INTS7: variants seen among roughly 807,000 people sequenced by gnomAD.
INTS7 encodes the protein chromosome 1 open reading frame 73.
In INTS7, 46 loss-of-function variants were observed where a neutral mutation model predicts 109.2. The ratio of observed to expected loss-of-function variants is 0.42; its 90% confidence interval spans 0.33 to 0.54. The LOEUF (loss-of-function observed/expected upper bound fraction) is 0.54. Among genes scored for constraint, INTS7 ranks in the 20% least tolerant of loss-of-function variants. INTS7 has a pLI of 0.07. For synonymous variants in INTS7, 412 were observed against 402.9 expected (o/e 1.02, Z -0.27); for missense variants, 929 against 1,132.4 (o/e 0.82, Z 2.58).
At chr1:212,003,233 A>T (rs1325561943) in intron 7 of INTS7, among the ~76,000 whole-genome samples, 1 of 151,902 alleles carries the variant, frequency 6.6e-6, no homozygotes, top group East Asian at 1.9e-4. Flanking sequence ...TAGACAGTTT[A>T]AAAAGAAATT....
intron 15 of INTS7, 88 bp from the exon 16 acceptor site, chr1:211,966,586 A>T: frequency 1.3e-6 from 1 of 785,286 alleles, no homozygotes; most frequent in Non-Finnish European, 2.2e-6. Context: ...GTCAAGATTT[A>T]ATGATTGCCT....
intron 2 of INTS7, chr1:212,020,803 T>C (rs1666656875): frequency 1.9e-5 from 17 of 881,826 alleles, no homozygotes; most frequent in Non-Finnish European, 2.3e-5. Context: ...AAAAACAATC[T>C]GTACAAAGAC....
chr1:211,944,636 C>G, intron 19 of INTS7, 148 bp downstream of exon 19: 1 of 643,440 alleles, frequency 1.6e-6, no homozygotes, highest in Non-Finnish European at 2.7e-6. Flanking sequence ...CAACCCCTTA[C>G]AGCCCCAATG....
At position 211,959,673 on chromosome 1, in the gene INTS7, C is replaced by A. The variant is rs1372413130; in HGVS notation, c.2183+6757G>T. Among the ~76,000 whole-genome samples the A allele has an allele frequency of 1.3e-5, 2 of 151,940 alleles. No individual in the cohort carries two copies. The highest frequency in any genetic ancestry group is 2.9e-5 in the Non-Finnish European group (2 of 67,994). Reference sequence around the variant, plus strand: ...CGCATTACCGCCATTGCATTTGGAGCTCCTGTGTCAACATTGCCCTGGGAG... The same window carrying A: ...CGCATTACCGCCATTGCATTTGGAGATCCTGTGTCAACATTGCCCTGGGAG... On this transcript the variant is annotated intron_variant, in intron 16 of 19. Transcript: ENST00000366994. This position sits in a 1 kb window ranked among gnomAD's most constrained non-coding sequence, Gnocchi z 4.2.
intron 16 of INTS7, 194 bp downstream of exon 16, chr1:211,966,236 C>CT: frequency 2.6e-6 from 1 of 390,232 alleles, no homozygotes; most frequent in South Asian, 6.8e-5. Context: ...TCCATGTTAA[C>CT]TTTTTGAAAA....
chr1:211,971,354 A>G (rs1161966293), intron 13 of INTS7, among the ~76,000 whole-genome samples: 4 of 152,242 alleles, frequency 2.6e-5, no homozygotes, highest in Non-Finnish European at 5.9e-5. Context: ...TCAGAGCAGT[A>G]TGTTGGTAAC....
intron 1 of INTS7, among the ~76,000 whole-genome samples, chr1:212,035,053 C>T (rs370555876): frequency 6.6e-6 from 1 of 152,240 alleles, no homozygotes; most frequent in African/African-American, 2.4e-5. Context: ...TAGAAACTAG[C>T]CACTGTCACT....
At chr1:212,003,093 A>G (rs1371021742) in intron 7 of INTS7, among the ~76,000 whole-genome samples, 1 of 152,184 alleles carries the variant, frequency 6.6e-6, no homozygotes, top group Non-Finnish European at 1.5e-5. Context: ...GTTATCATAC[A>G]TTTAATAGGA....
At chr1:212,001,975 G>A (rs574358790) in intron 7 of INTS7, among the ~76,000 whole-genome samples, 2 of 152,200 alleles carry the variant, frequency 1.3e-5, no homozygotes, top group South Asian at 4.1e-4. Context: ...ACCTCAGCTG[G>A]ATCTGTCCAC....
At chr1:211,997,496 C>A (rs1665452942) in intron 7 of INTS7, among the ~76,000 whole-genome samples, 1 of 137,208 alleles carries the variant, frequency 7.3e-6, no homozygotes, top group African/African-American at 2.6e-5. Flanking sequence ...GCACTCCAGC[C>A]TGGGCAACAG....
Position 212,007,343 on chromosome 1 carries a change from C to T in INTS7, c.663G>A (p.Leu221=). 1 of 1,613,922 alleles carries T rather than the reference C, an allele frequency of 6.2e-7. No individual in the cohort carries two copies. Among genetic ancestry groups the T allele is most frequent in the African/African-American group, 1.3e-5 (1 of 75,012 alleles). Residue 221 remains leucine, a synonymous_variant, in exon 6 of 20, where the codon CTG becomes CTA. Coordinates refer to ENST00000366994, the MANE Select transcript of INTS7 (RefSeq NM_015434.4). ...TTTTGGTGGACGGATAGGATGTGAC[C>T]AGCTGTTGTAAAAGCTGACGAGCAC... ...ASSARQLLQQ[L]VTSYPSTKMV...
At chr1:211,954,870 G>C (rs1388410300) in intron 16 of INTS7, among the ~76,000 whole-genome samples, 2 of 152,130 alleles carry the variant, frequency 1.3e-5, no homozygotes, top group Admixed American at 6.6e-5. Context: ...GGATTGACTT[G>C]GTGATGTGGG....
intron 16 of INTS7, among the ~76,000 whole-genome samples, chr1:211,963,806 A>C (rs1663749196): frequency 6.6e-6 from 1 of 151,866 alleles, no homozygotes; most frequent in African/African-American, 2.4e-5. Context: ...ATTAAAAAAA[A>C]AACTCTGAAT....
At chr1:211,968,807 T>C (rs1346210660) in intron 13 of INTS7, 100 bp from the exon 14 acceptor site, 1 of 802,792 alleles carries the variant, frequency 1.2e-6, no homozygotes, top group Admixed American at 2.9e-5. Flanking sequence ...AGTGCAGTAG[T>C]TCTCTAAAAA....
intron 7 of INTS7, among the ~76,000 whole-genome samples, chr1:211,999,883 T>A (rs1665583863): frequency 6.6e-6 from 1 of 151,864 alleles, no homozygotes; most frequent in African/African-American, 2.4e-5. Context: ...GGCACGTGGA[T>A]CACCTGAGGT....
chr1:211,987,819 C>A, intron 8 of INTS7, 67 bp downstream of exon 8: 7 of 881,248 alleles, frequency 7.9e-6, no homozygotes, highest in Non-Finnish European at 1.2e-5. Context: ...AAGAAACAAC[C>A]TGAAACATAA....
Position 211,978,505 on chromosome 1 carries a change from G to C in INTS7, c.1237C>G (p.Leu413Val). Residue 413 changes from leucine to valine, a missense_variant, in exon 11 of 20, where the codon CTA (leucine) becomes GTA (valine). Transcript: ENST00000366994. ...TTGGCCAACTTCACCATACAGTTTAGAGCAATCTGCACGCCAAAAAGAAAA... is the reference window on the plus strand; with the variant it reads ...TTGGCCAACTTCACCATACAGTTTACAGCAATCTGCACGCCAAAAAGAAAA... ...PGAQATLKIALNCMVKLAKGR... is the reference protein window; with the variant it reads ...PGAQATLKIAVNCMVKLAKGR... 1.9e-6 allele frequency: 3 copies of C among 1,614,136 alleles called. No individual in the cohort carries two copies. Among genetic ancestry groups the C allele is most frequent in the Non-Finnish European group, 1.7e-6 (2 of 1,180,028 alleles).
chr1:211,958,012 T>C (rs1483702942), intron 16 of INTS7, among the ~76,000 whole-genome samples: 1 of 152,034 alleles, frequency 6.6e-6, no homozygotes, highest in Admixed American at 6.5e-5. Context: ...TACTTCTATA[T>C]GTTAAAAACT....
rs921380577 is a variant in INTS7 at position 212,030,627 on chromosome 1, C to G, written c.94+4717G>C. On this transcript the variant is annotated intron_variant, in intron 1 of 19. Coordinates refer to ENST00000366994, the MANE Select transcript of INTS7 (RefSeq NM_015434.4). ...TTTTATAGGTCCGCTTCTCAACACT[C>G]TCAGACTAAGTGTGGTCTGGCAGCA... 2.6e-5 allele frequency: 4 copies of G among 152,324 alleles called. No homozygotes were observed. The South Asian group carries it at 8.3e-4, about 32-fold the overall frequency. 9.4% of individuals were successfully genotyped at this position (152,324 alleles called of 1,614,324 possible).
Sources: gnomAD v4.1 joint callset for allele counts (sites outside exome capture counted in the v4.1 genomes callset) on GRCh38, gnomAD v4.1.1 for gene constraint, Gnocchi (gnomAD v3.1) non-coding constraint, MANE v1.5 for transcripts, NCBI Gene and HGNC (gene_info 2026-07-23, HGNC 2026-07-21) for gene names.